NME7: variants seen among roughly 807,000 people sequenced by gnomAD.
NME7 encodes nucleoside diphosphate kinase 7.
A neutral mutation model predicts 49.1 loss-of-function variants in NME7; 41 were observed. The ratio of observed to expected loss-of-function variants is 0.83; its 90% CI spans 0.65 to 1.08. The LOEUF (loss-of-function observed/expected upper bound fraction) is 1.08, where lower values mean the gene tolerates loss of function less well. Ranked by LOEUF, NME7 falls within the 50% of genes least tolerant of loss-of-function variation. NME7 has a pLI of 0.00. For synonymous variants in NME7, 139 were observed against 150.6 expected (o/e 0.92, Z 0.56); for missense variants, 423 against 463.4 (o/e 0.91, Z 0.80).
chr1:169,215,555 G>A (rs2101799501), intron 10 of NME7, among the ~76,000 whole-genome samples: 1 of 151,686 alleles, frequency 6.6e-6, no homozygotes, highest in East Asian at 1.9e-4. Context: ...GAAGTGACAG[G>A]TACTAATGTC....
At chr1:169,282,632 G>A (rs1245188429) in intron 7 of NME7, among the ~76,000 whole-genome samples, 1 of 152,110 alleles carries the variant, frequency 6.6e-6, no homozygotes, top group Non-Finnish European at 1.5e-5. Flanking sequence ...GTGTCCCTGA[G>A]ATTCTGGTAT....
intron 11 of NME7, among the ~76,000 whole-genome samples, chr1:169,141,089 T>A (rs1293097239): frequency 6.6e-6 from 1 of 152,132 alleles, no homozygotes; most frequent in Non-Finnish European, 1.5e-5. Context: ...CAAACTGAAA[T>A]TAGAAATGCA....
intron 11 of NME7, among the ~76,000 whole-genome samples, chr1:169,164,873 T>C (rs1659363113): frequency 6.6e-6 from 1 of 152,230 alleles, no homozygotes; most frequent in Non-Finnish European, 1.5e-5. Flanking sequence ...TTGCCCATAG[T>C]TGTCACCAGC....
At chr1:169,157,703 G>C (rs1008379457) in intron 11 of NME7, among the ~76,000 whole-genome samples, 7 of 152,176 alleles carry the variant, frequency 4.6e-5, no homozygotes, top group Non-Finnish European at 7.3e-5. Context: ...CATCTAGAGA[G>C]GCTATTGATC....
chr1:169,224,084 C>T (rs1211615208), intron 10 of NME7, among the ~76,000 whole-genome samples: 1 of 152,216 alleles, frequency 6.6e-6, no homozygotes, highest in Non-Finnish European at 1.5e-5. Context: ...AGATGCTCTT[C>T]TCATCTCACA....
rs142357337 is a variant in NME7 at position 169,155,349 on chromosome 1, G to GGGTT, written c.1098+14094_1098+14097dup. On this transcript the variant is annotated intron_variant, in intron 11 of 11. Transcript: ENST00000367811. ...GGGCAACAAAGCAGTGATGAAGCAA[G>GGGTT]GGTTGGCAGGAGTAGTCCACCCTGG... Among the ~76,000 whole-genome samples the GGGTT allele has an allele frequency of 3.4e-3, 522 of 152,324 alleles. 4 individuals are homozygous for GGGTT. The highest frequency in any genetic ancestry group is 0.02 in the Middle Eastern group (6 of 294).
chr1:169,181,757 TCTC>T (rs1211025880), intron 10 of NME7, among the ~76,000 whole-genome samples: 1 of 152,184 alleles, frequency 6.6e-6, no homozygotes, highest in Non-Finnish European at 1.5e-5. Context: ...ACACTGATAT[TCTC>T]CTAATTGCCC....
At chr1:169,291,561 G>T (rs1367337073) in intron 6 of NME7, among the ~76,000 whole-genome samples, 5 of 151,846 alleles carry the variant, frequency 3.3e-5, no homozygotes, top group African/African-American at 1.2e-4. Context: ...AGATGATGGG[G>T]TGATGGGTGC....
At chr1:169,358,320 A>G (rs1653533168) in intron 1 of NME7, among the ~76,000 whole-genome samples, 1 of 152,214 alleles carries the variant, frequency 6.6e-6, no homozygotes, top group African/African-American at 2.4e-5. Context: ...ATCTAAACAG[A>G]AAGTATTATT....
rs77300410 is a variant in NME7 at position 169,345,711 on chromosome 1, A to G, written c.4-21211T>C. Among the ~76,000 whole-genome samples, 1,054 of 152,250 alleles carry G rather than the reference A, an allele frequency of 6.9e-3. 14 individuals carry two copies. Among genetic ancestry groups the G allele is most frequent in the African/African-American group, 0.024 (1,017 of 41,526 alleles). On this transcript the variant is annotated intron_variant, in intron 1 of 11. Coordinates refer to ENST00000367811, the MANE Select transcript of NME7 (RefSeq NM_013330.5). ...CTCTGTTATCATCTTATCTAGTCTC[A>G]TGGCTTTAAATATAATCTACATATT...
chr1:169,211,124 T>C (rs939627547), intron 10 of NME7, among the ~76,000 whole-genome samples: 9 of 152,170 alleles, frequency 5.9e-5, no homozygotes, highest in African/African-American at 1.9e-4. Context: ...ATGTTTTGCT[T>C]GGAAGACTGT....
intron 10 of NME7, among the ~76,000 whole-genome samples, chr1:169,229,709 T>G (rs1422245830): frequency 2.6e-5 from 4 of 152,060 alleles, no homozygotes; most frequent in Admixed American, 2.0e-4. Flanking sequence ...GCCTGTAATC[T>G]CAACACTTTG....
At chr1:169,225,282 T>C (rs951201522) in intron 10 of NME7, among the ~76,000 whole-genome samples, 1 of 152,184 alleles carries the variant, frequency 6.6e-6, no homozygotes, top group African/African-American at 2.4e-5. Context: ...CTAATTTTTA[T>C]GCTTTTAGCA....
chr1:169,238,122 C>T (rs6427180), intron 7 of NME7, among the ~76,000 whole-genome samples: 1 of 151,354 alleles, frequency 6.6e-6, no homozygotes, highest in Non-Finnish European at 1.5e-5. Context: ...AGAAGCTTCA[C>T]GGGGAAATGA....
At chr1:169,244,263 A>G (rs1425352971) in intron 7 of NME7, among the ~76,000 whole-genome samples, 1 of 152,164 alleles carries the variant, frequency 6.6e-6, no homozygotes, top group South Asian at 2.1e-4. Context: ...TTTGGCAGAA[A>G]AAGGAGGAAA....
intron 10 of NME7, among the ~76,000 whole-genome samples, chr1:169,202,997 G>A (rs1387923639): frequency 6.6e-6 from 1 of 152,078 alleles, no homozygotes; most frequent in Non-Finnish European, 1.5e-5. Flanking sequence ...GTCCTCAGTT[G>A]AATCCTTTCA....
At chr1:169,178,311 C>T (rs1371163809) in intron 10 of NME7, among the ~76,000 whole-genome samples, 2 of 152,070 alleles carry the variant, frequency 1.3e-5, no homozygotes, top group East Asian at 1.9e-4. Flanking sequence ...AGAATTCTTG[C>T]GATGTGGAAG....
At chr1:169,305,777 G>A (rs141620817) in intron 4 of NME7, among the ~76,000 whole-genome samples, 32 of 152,290 alleles carry the variant, frequency 2.1e-4, no homozygotes, top group Non-Finnish European at 3.7e-4. Context: ...GGATATGGAG[G>A]CAAGGAGAAC....
chr1:169,217,134 G>A (rs1004059263), intron 10 of NME7, among the ~76,000 whole-genome samples: 3 of 152,104 alleles, frequency 2.0e-5, no homozygotes, highest in African/African-American at 7.2e-5. Flanking sequence ...AGAAATATAT[G>A]CAAAGAAATC....
Sources: allele counts gnomAD v4.1 joint callset (sites outside exome capture counted in the v4.1 genomes callset), GRCh38; gene constraint gnomAD v4.1.1; transcripts MANE v1.5; gene names NCBI Gene and HGNC (gene_info 2026-07-23, HGNC 2026-07-21).